The following MRTFA variants were observed in gnomAD, a reference collection of about 807,000 sequenced individuals.
MRTFA encodes myocardin-related transcription factor A.
Under a neutral mutation model 83.5 loss-of-function variants are expected in MRTFA, and 20 were observed. The ratio of observed to expected loss-of-function variants is 0.24; its 90% CI spans 0.17 to 0.35. The LOEUF (loss-of-function observed/expected upper bound fraction) is 0.35, where lower values mean the gene tolerates loss of function less well. MRTFA is among the 10% of genes least tolerant of loss of function. The pLI is 1.00. For synonymous variants in MRTFA, 659 were observed against 541.2 expected, an observed-to-expected ratio of 1.22 and a Z score of -3.02; for missense variants, 1,200 against 1,224.7, an observed-to-expected ratio of 0.98 and a Z score of 0.30.
chr22:40,475,770 A>G lies in MRTFA; in HGVS notation c.242-12484T>C, dbSNP rs544192722. 3.3e-5 allele frequency among the ~76,000 whole-genome samples: 5 copies of G among 152,378 alleles called. No homozygotes were observed. In the South Asian group the frequency reaches 1.0e-3, roughly 32 times the overall value. The stretch of plus-strand genomic sequence containing the variant: ...TTTTTCAGTTATCATAAGAGCAGAA[A>G]GATGGTACTGCCCAACACTGGAAGT... On this transcript the variant is annotated intron_variant, in intron 3 of 14. Coordinates refer to ENST00000355630, the MANE Select transcript of MRTFA (RefSeq NM_020831.6).
In MRTFA at chr22:40,411,408, G is replaced by T. The variant is rs566222798; in HGVS notation, c.3078C>A (p.His1026Gln). 15 of 1,565,074 alleles carry T rather than the reference G, an allele frequency of 9.6e-6. No homozygotes were observed. Among genetic ancestry groups the T allele is most frequent in the South Asian group, 9.4e-5 (8 of 85,178 alleles). Residue 1026 changes from histidine to glutamine, a missense_variant, in exon 15 of 15, where the codon CAC (histidine) becomes CAA (glutamine). Physicochemically the swap from His to Gln is conservative, Grantham distance 24. Around this residue, in one of 2 missense-constraint regions of MRTFA, gnomAD observed 1,107 missense variants for 1,041.8 expected, o/e 1.06. Coordinates refer to ENST00000355630, the MANE Select transcript of MRTFA (RefSeq NM_020831.6). ...CAGAGAGCTACAAGCAGGAATCCCA[G>T]TGCAGCTGCAAATCATGGCCATCGA...
At chr22:40,480,718 G>A (rs923091308) in intron 3 of MRTFA, among the ~76,000 whole-genome samples, 1 of 151,486 alleles carries the variant, frequency 6.6e-6, no homozygotes, top group African/African-American at 2.4e-5. Flanking sequence ...GCCAAGGTGG[G>A]AGGATCACGC....
intron 4 of MRTFA, among the ~76,000 whole-genome samples, chr22:40,456,385 C>G (rs2053587193): frequency 6.6e-6 from 1 of 151,846 alleles, no homozygotes; most frequent in Non-Finnish European, 1.5e-5. Flanking sequence ...GGGGATTGTT[C>G]AATAAATAAA....
chr22:40,468,172 A>C (rs992446430), intron 3 of MRTFA, among the ~76,000 whole-genome samples: 1 of 152,182 alleles, frequency 6.6e-6, no homozygotes, highest in African/African-American at 2.4e-5. Context: ...TGTTGATAGG[A>C]TTCGAGGGGT....
At chr22:40,561,052 A>G (rs955765439) in intron 2 of MRTFA, among the ~76,000 whole-genome samples, 1 of 152,082 alleles carries the variant, frequency 6.6e-6, no homozygotes, top group African/African-American at 2.4e-5. Flanking sequence ...CAATCAATTA[A>G]TGAACTTTCT....
At chr22:40,470,880 C>T (rs1021686704) in intron 3 of MRTFA, among the ~76,000 whole-genome samples, 1 of 151,662 alleles carries the variant, frequency 6.6e-6, no homozygotes, top group African/African-American at 2.4e-5. Context: ...ACCCGGGAGG[C>T]GGAGGTTACA....
chr22:40,571,077 T>C, intron 2 of MRTFA, among the ~76,000 whole-genome samples: 1 of 133,218 alleles, frequency 7.5e-6, no homozygotes, highest in South Asian at 2.4e-4. Context: ...GGCATGGTGG[T>C]GTGCGCCTGT....
At chr22:40,577,235 TAAA>T (rs760829183) in intron 2 of MRTFA, among the ~76,000 whole-genome samples, 4 of 64,460 alleles carry the variant, frequency 6.2e-5, no homozygotes, top group Non-Finnish European at 9.0e-5. Context: ...GACCCTTGTC[TAAA>T]AAAAAAAAAA....
Position 40,419,177 on chromosome 22 carries a change from G to A in MRTFA, c.1561C>T (p.Leu521=), listed in dbSNP as rs1304162567. The A allele has an allele frequency of 3.2e-6, 5 of 1,585,902 alleles. No individual in the cohort carries two copies. Among genetic ancestry groups the A allele is most frequent in the South Asian group, 1.1e-5 (1 of 88,190 alleles). Residue 521 remains leucine, a synonymous_variant, in exon 12 of 15, where the codon CTG becomes TTG. Coordinates refer to ENST00000355630, the MANE Select transcript of MRTFA (RefSeq NM_020831.6). ...GCTGGAGCCAGGCCTGCTGCCACCAGGGCTGGCCCCGTGCTCAGCCGGGCC... is the reference window on the plus strand; with the variant it reads ...GCTGGAGCCAGGCCTGCTGCCACCAAGGCTGGCCCCGTGCTCAGCCGGGCC...
intron 1 of MRTFA, among the ~76,000 whole-genome samples, chr22:40,621,642 G>A (rs151133078): frequency 6.2e-4 from 94 of 152,140 alleles, no homozygotes; most frequent in African/African-American, 2.0e-3. Context: ...AAACACCGTG[G>A]GCAAAAACTC....
Position 40,419,479 on chromosome 22 carries a change from C to A in MRTFA, c.1354-95G>T, listed in dbSNP as rs763826556. The A allele has an allele frequency of 1.9e-4, 209 of 1,117,474 alleles. 1 individual carries two copies. In the Middle Eastern group the frequency reaches 2.4e-3, roughly 13 times the overall value. 69.2% of individuals were successfully genotyped at this position (1,117,474 alleles called of 1,614,324 possible). A position where few individuals can be genotyped will look rare whatever the true frequency, so the allele number is the denominator to read the frequency against. Reference sequence around the variant, plus strand: ...GCAGTCTGGGCCCCATGGGCCACTGCAGATGCATCAACTACCCTAATCCTC... The same window carrying A: ...GCAGTCTGGGCCCCATGGGCCACTGAAGATGCATCAACTACCCTAATCCTC... On this transcript the variant is annotated intron_variant, in intron 11 of 14. Transcript: ENST00000355630.
chr22:40,584,075 CCTT>C (rs143586053), intron 2 of MRTFA, among the ~76,000 whole-genome samples: 12,373 of 152,170 alleles, frequency 0.081, 740 homozygotes, highest in East Asian at 0.25. Flanking sequence ...AATTTACTGT[CCTT>C]CTTCTAAGCA....
chr22:40,438,892 T>C (rs2053221225), intron 4 of MRTFA, among the ~76,000 whole-genome samples: 1 of 152,236 alleles, frequency 6.6e-6, no homozygotes, highest in Non-Finnish European at 1.5e-5. Context: ...AATTCCTATT[T>C]GGTCCTATTA....
intron 3 of MRTFA, among the ~76,000 whole-genome samples, chr22:40,495,894 G>A (rs920681145): frequency 2.0e-5 from 3 of 149,080 alleles, no homozygotes; most frequent in South Asian, 4.2e-4. Context: ...GGTGAAACTC[G>A]GTCTCTACTA....
intron 1 of MRTFA, among the ~76,000 whole-genome samples, chr22:40,631,780 TA>T (rs1410847336): frequency 6.6e-6 from 1 of 152,222 alleles, no homozygotes; most frequent in Non-Finnish European, 1.5e-5. Context: ...AAACACACAA[TA>T]AATATTTATA....
At chr22:40,587,750 G>A in intron 2 of MRTFA, 1 of 335,828 alleles carries the variant, frequency 3.0e-6, no homozygotes, top group Non-Finnish European at 5.9e-6. Flanking sequence ...AAAAGAGTGA[G>A]TCCCACCACC....
In MRTFA at chr22:40,418,534, A is replaced by G. The variant is rs1325102007; in HGVS notation, c.2204T>C (p.Val735Ala). 3 of 1,586,596 alleles carry G rather than the reference A, an allele frequency of 1.9e-6. No homozygotes were observed. The East Asian group carries it at 6.7e-5, about 35-fold the overall frequency. Residue 735 changes from valine to alanine, a missense_variant, in exon 12 of 15, where the codon GTC becomes GCC. By Grantham distance (64) the Val-to-Ala change is moderately conservative (BLOSUM62 0). Around this residue, in one of 2 missense-constraint regions of MRTFA, gnomAD observed 1,107 missense variants for 1,041.8 expected, o/e 1.06. Coordinates refer to ENST00000355630, the MANE Select transcript of MRTFA (RefSeq NM_020831.6). ...CCCCAGAAGCAACTGGGGGGCGGGG[A>G]CCGGCTCGGGCTCAGGCTGCAAGGC...
chr22:40,491,275 G>C (rs887297350), intron 3 of MRTFA, among the ~76,000 whole-genome samples: 2 of 152,116 alleles, frequency 1.3e-5, no homozygotes, highest in African/African-American at 2.4e-5. Flanking sequence ...CCAGGAGGTG[G>C]AGGTTGCAGT....
chr22:40,566,560 G>A (rs1207261338), intron 2 of MRTFA, among the ~76,000 whole-genome samples: 9 of 152,056 alleles, frequency 5.9e-5, no homozygotes, highest in Non-Finnish European at 1.3e-4. Flanking sequence ...GCTGGGCATG[G>A]TGGCTCATGC....
Sources: allele counts gnomAD v4.1 joint callset (sites outside exome capture counted in the v4.1 genomes callset), GRCh38; gene constraint gnomAD v4.1.1; regional missense constraint gnomAD v4.1.1; transcripts MANE v1.5; gene names NCBI Gene and HGNC (gene_info 2026-07-23, HGNC 2026-07-21).